The following BICRAL variants were observed in gnomAD, a reference collection of about 807,000 sequenced individuals.
BICRAL encodes BICRA like chromatin remodeling complex associated protein, also known as BRD4-interacting chromatin-remodeling complex-associated protein-like.
BICRAL carries 8 observed loss-of-function variants against 91.8 expected under a neutral mutation model. The observed-to-expected ratio is 0.09, with a 90% CI of 0.05 to 0.16. The LOEUF (loss-of-function observed/expected upper bound fraction) is 0.16, where lower values mean the gene tolerates loss of function less well. BICRAL is among the 10% of genes least tolerant of loss of function. The pLI is 1.00. For missense variants in BICRAL, 1,038 were observed against 1,310.9 expected, an observed-to-expected ratio of 0.79 and a Z score of 3.21; for synonymous variants, 445 against 491.1, an observed-to-expected ratio of 0.91 and a Z score of 1.24.
intron 6 of BICRAL, among the ~76,000 whole-genome samples, chr6:42,835,033 G>C (rs1053251862): frequency 6.6e-6 from 1 of 152,058 alleles, no homozygotes; most frequent in African/African-American, 2.4e-5. Flanking sequence ...AGTTCATATT[G>C]ATAGTTCCAA....
intron 11 of BICRAL, among the ~76,000 whole-genome samples, chr6:42,861,003 G>A (rs934899672): frequency 8.5e-5 from 13 of 152,192 alleles, no homozygotes; most frequent in African/African-American, 3.1e-4. Flanking sequence ...GCGCATGCCT[G>A]TAATCCCAGC....
At position 42,865,004 on chromosome 6, in the gene BICRAL, G is replaced by A. The variant is rs201685747; in HGVS notation, c.2798G>A (p.Cys933Tyr). 5.5e-5 allele frequency: 88 copies of A among 1,613,930 alleles called. 1 individual carries two copies. Among genetic ancestry groups the A allele is most frequent in the Non-Finnish European group, 1.0e-5 (12 of 1,180,042 alleles). ...AGAGAGCCTCTGAAGGCCAGTCAGT[G>A]CTCTCCCGGCCCTGAGGGGCACCGG... ...SRREPLKASQ[C>Y]SPGPEGHRKT... Residue 933 changes from cysteine (C) to tyrosine (Y), a missense_variant, in exon 13 of 13, where the codon TGC (cysteine) becomes TAC (tyrosine). Physicochemically the swap from Cys to Tyr is radical, Grantham distance 194 (BLOSUM62 -2). This residue lies in a region of BICRAL where 294 missense variants were observed against 292.6 expected (regional missense o/e 1.00). Transcript: ENST00000314073.
intron 1 of BICRAL, among the ~76,000 whole-genome samples, chr6:42,794,938 G>A (rs1204799611): frequency 1.3e-5 from 2 of 149,556 alleles, no homozygotes; most frequent in Admixed American, 6.7e-5. Context: ...TCCAGCCTGG[G>A]CAACAAGAGC....
chr6:42,807,384 C>A, intron 1 of BICRAL, among the ~76,000 whole-genome samples: 1 of 151,474 alleles, frequency 6.6e-6, no homozygotes, highest in East Asian at 2.0e-4. Context: ...GGGGTTTCAC[C>A]ATGTTAGCCA....
chr6:42,857,291 A>G (rs1254030577), intron 10 of BICRAL, 55 bp downstream of exon 10: 24 of 1,480,122 alleles, frequency 1.6e-5, no homozygotes, highest in African/African-American at 5.6e-5. Context: ...CCCTCCATGG[A>G]CACCCCCCAG....
intron 2 of BICRAL, among the ~76,000 whole-genome samples, chr6:42,811,554 G>A (rs1454545219): frequency 1.3e-5 from 2 of 151,538 alleles, no homozygotes; most frequent in Non-Finnish European, 3.0e-5. Context: ...CTGGGAGGCG[G>A]AGGTTGCAGT....
intron 1 of BICRAL, among the ~76,000 whole-genome samples, chr6:42,747,176 G>A (rs1053209484): frequency 6.6e-6 from 1 of 152,214 alleles, no homozygotes; most frequent in Non-Finnish European, 1.5e-5. Context: ...CCCGAGGTGT[G>A]GGTGGGCAGC....
chr6:42,802,511 C>T (rs572219163), intron 1 of BICRAL, among the ~76,000 whole-genome samples: 12 of 151,976 alleles, frequency 7.9e-5, no homozygotes, highest in South Asian at 2.1e-4. Context: ...TGCAGTGGCA[C>T]GATCTCGGCT....
At chr6:42,749,227 C>G (rs1762337411) in intron 1 of BICRAL, among the ~76,000 whole-genome samples, 1 of 152,194 alleles carries the variant, frequency 6.6e-6, no homozygotes, top group African/African-American at 2.4e-5. Context: ...GTTCCAAGGA[C>G]TCACATACCC....
chr6:42,758,408 C>T (rs906090652), intron 1 of BICRAL, among the ~76,000 whole-genome samples: 9 of 152,192 alleles, frequency 5.9e-5, no homozygotes, highest in Non-Finnish European at 1.0e-4. Context: ...CAGCGCCCTA[C>T]TCCAGCCACA....
chr6:42,855,012 G>T (rs1765303886), intron 8 of BICRAL, among the ~76,000 whole-genome samples: 1 of 152,188 alleles, frequency 6.6e-6, no homozygotes, highest in South Asian at 2.1e-4. Context: ...ATTAGTGGTT[G>T]AATGAAACTT....
intron 1 of BICRAL, among the ~76,000 whole-genome samples, chr6:42,782,756 C>G (rs1264987435): frequency 6.6e-6 from 1 of 151,320 alleles, no homozygotes; most frequent in Non-Finnish European, 1.5e-5. Flanking sequence ...CGCCGGGAGC[C>G]GGGAAGGAGG....
At chr6:42,854,917 GA>G (rs1765300481) in intron 8 of BICRAL, among the ~76,000 whole-genome samples, 1 of 152,118 alleles carries the variant, frequency 6.6e-6, no homozygotes, top group Non-Finnish European at 1.5e-5. Context: ...AAACCTAAAA[GA>G]TTTCAAACTA....
chr6:42,840,903 G>A (rs796392846), intron 6 of BICRAL, among the ~76,000 whole-genome samples: 37 of 151,046 alleles, frequency 2.4e-4, no homozygotes, highest in African/African-American at 7.3e-4. Context: ...GTGAAACCTC[G>A]TCTCTACTAA....
chr6:42,846,061 CAAAA>C (rs386406871), intron 6 of BICRAL, among the ~76,000 whole-genome samples: 2 of 80,718 alleles, frequency 2.5e-5, no homozygotes, highest in Non-Finnish European at 2.4e-5. Context: ...GACTCCATCT[CAAAA>C]AAAAAAAAAA....
At chr6:42,809,720 C>T (rs1763804629) in intron 1 of BICRAL, among the ~76,000 whole-genome samples, 1 of 152,052 alleles carries the variant, frequency 6.6e-6, no homozygotes, top group Non-Finnish European at 1.5e-5. Context: ...AACCGATCCA[C>T]CTGCCTCAGC....
intron 1 of BICRAL, among the ~76,000 whole-genome samples, chr6:42,785,569 A>C (rs1172037545): frequency 6.6e-6 from 1 of 151,902 alleles, no homozygotes; most frequent in Non-Finnish European, 1.5e-5. Context: ...TCTCAAAAAA[A>C]AAAAAAAGAA....
At chr6:42,845,195 GTTTTTTTTTTTTTTTTTTT>G (rs748804344) in intron 6 of BICRAL, among the ~76,000 whole-genome samples, 11 of 25,606 alleles carry the variant, frequency 4.3e-4, no homozygotes, top group East Asian at 1.2e-3. Flanking sequence ...TTTTTTGGGT[GTTTTTTTTTTTTTTTTTTT>G]TTTTTTTTTT....
intron 6 of BICRAL, among the ~76,000 whole-genome samples, chr6:42,849,950 T>A (rs1765127806): frequency 6.6e-6 from 1 of 151,910 alleles, no homozygotes; most frequent in African/African-American, 2.4e-5. Flanking sequence ...AGCAAGAGAA[T>A]CGCTTGAACC....
Sources: allele counts gnomAD v4.1 joint callset (sites outside exome capture counted in the v4.1 genomes callset), GRCh38; gene constraint gnomAD v4.1.1; regional missense constraint gnomAD v4.1.1; transcripts MANE v1.5; gene names NCBI Gene and HGNC (gene_info 2026-07-23, HGNC 2026-07-21).